SHCBP1L: variants seen among roughly 807,000 people sequenced by gnomAD.
SHCBP1L encodes testicular spindle-associated protein SHCBP1L.
SHCBP1L carries 67 observed loss-of-function variants against 62.5 expected under a neutral mutation model. The ratio of observed to expected loss-of-function variants is 1.07; its 90% CI spans 0.88 to 1.31. The LOEUF is 1.31. Ranked by LOEUF, SHCBP1L falls within the 40% of genes most tolerant of loss-of-function variation. SHCBP1L has a pLI of 0.00. For missense variants in SHCBP1L, 823 were observed against 809.8 expected (o/e 1.02, Z -0.20); for synonymous variants, 284 against 289.4 (o/e 0.98, Z 0.19).
chr1:182,920,074 C>G (rs746398451), intron 6 of SHCBP1L, among the ~76,000 whole-genome samples: 1 of 152,238 alleles, frequency 6.6e-6, no homozygotes, highest in Non-Finnish European at 1.5e-5. Context: ...CTGATACATG[C>G]ACACCCTGCT....
At chr1:182,952,062 CAGG>C (rs1651761598) in intron 1 of SHCBP1L, 1 of 149,776 alleles carries the variant, frequency 6.7e-6, no homozygotes, top group South Asian at 1.6e-4. Context: ...GAGGCTGAGG[CAGG>C]AGAATTGCTT....
rs1233467225 is a variant in SHCBP1L, at chr1:182,939,456, A to G, written c.857+11T>C. 5.6e-6 allele frequency: 9 copies of G among 1,601,958 alleles called. No homozygotes were observed. The highest frequency in any genetic ancestry group is 7.7e-6 in the Non-Finnish European group (9 of 1,174,216). Reference sequence around the variant, plus strand: ...TCTAATGTGCGGTATAAGTTTATAAACTATACTTACAAATTAATTCTTTCT... The same window carrying G: ...TCTAATGTGCGGTATAAGTTTATAAGCTATACTTACAAATTAATTCTTTCT... On this transcript the variant is annotated intron_variant, in intron 4 of 9. Coordinates refer to ENST00000367547, the MANE Select transcript of SHCBP1L (RefSeq NM_030933.4).
chr1:182,948,859 G>T (rs1193298491), intron 2 of SHCBP1L, among the ~76,000 whole-genome samples: 1 of 152,140 alleles, frequency 6.6e-6, no homozygotes, highest in African/African-American at 2.4e-5. Context: ...AATATGAATT[G>T]TGCAGCACTA....
chr1:182,947,438 T>A (rs563673054), intron 2 of SHCBP1L, among the ~76,000 whole-genome samples: 8 of 152,288 alleles, frequency 5.3e-5, no homozygotes, highest in African/African-American at 1.9e-4. Flanking sequence ...ACAGAAGTTA[T>A]AAAAAAGTTT....
chr1:182,928,081 C>A (rs1003605614), intron 6 of SHCBP1L, among the ~76,000 whole-genome samples: 1 of 151,488 alleles, frequency 6.6e-6, no homozygotes, highest in African/African-American at 2.4e-5. Flanking sequence ...ATAATATGCT[C>A]CAATAAGTAA....
intron 5 of SHCBP1L, among the ~76,000 whole-genome samples, 190 bp from the exon 6 acceptor site, chr1:182,929,942 A>C (rs1306738363): frequency 6.6e-6 from 1 of 152,184 alleles, no homozygotes; most frequent in Non-Finnish European, 1.5e-5. Context: ...GCATGTTTAA[A>C]TCCTTAAACT....
At chr1:182,908,488 T>G (rs1650085120) in intron 6 of SHCBP1L, among the ~76,000 whole-genome samples, 1 of 152,206 alleles carries the variant, frequency 6.6e-6, no homozygotes, top group African/African-American at 2.4e-5. Flanking sequence ...ATGGTGTACA[T>G]GTACCACATT....
At chr1:182,928,277 C>A (rs1650850334) in intron 6 of SHCBP1L, among the ~76,000 whole-genome samples, 1 of 152,032 alleles carries the variant, frequency 6.6e-6, no homozygotes, top group Admixed American at 6.5e-5. Flanking sequence ...ATTCATTCAC[C>A]AAAAATTGCT....
At chr1:182,924,772 G>GAAAGA (rs1553245935) in intron 6 of SHCBP1L, among the ~76,000 whole-genome samples, 15 of 92,914 alleles carry the variant, frequency 1.6e-4, no homozygotes, top group South Asian at 4.3e-4. Flanking sequence ...AAGAAAGAAA[G>GAAAGA]AAAGAAAGAA....
At chr1:182,930,542 A>AGTGT (rs199725936) in intron 5 of SHCBP1L, among the ~76,000 whole-genome samples, 11 of 68,036 alleles carry the variant, frequency 1.6e-4, no homozygotes, top group Middle Eastern at 8.2e-3. Context: ...ATGTGGCTTT[A>AGTGT]GTGTGTGTGT....
intron 9 of SHCBP1L, 98 bp from the exon 10 acceptor site, chr1:182,900,332 A>G: frequency 1.9e-6 from 2 of 1,073,346 alleles, no homozygotes; most frequent in South Asian, 4.3e-5. Flanking sequence ...TTCTTGGATT[A>G]ACAGATTTTT....
chr1:182,904,570 TGTGTGTGC>T, intron 7 of SHCBP1L, 140 bp from the exon 8 acceptor site: 2 of 882,052 alleles, frequency 2.3e-6, no homozygotes, highest in Non-Finnish European at 1.7e-6. Flanking sequence ...TGTGTGTGTG[TGTGTGTGC>T]GCATGCGCAT....
intron 2 of SHCBP1L, among the ~76,000 whole-genome samples, chr1:182,943,341 T>C (rs1485766899): frequency 6.7e-6 from 1 of 150,308 alleles, no homozygotes; most frequent in African/African-American, 2.4e-5. Context: ...AGGCTGGTCT[T>C]GAACTCCTGG....
At chr1:182,942,732 C>T (rs955693469) in intron 2 of SHCBP1L, among the ~76,000 whole-genome samples, 1 of 152,194 alleles carries the variant, frequency 6.6e-6, no homozygotes, top group African/African-American at 2.4e-5. Context: ...TTAACACAAA[C>T]ACTTCCAAAA....
At chr1:182,952,574 A>G (rs1398967214) in intron 1 of SHCBP1L, 155 bp downstream of exon 1, 1 of 848,252 alleles carries the variant, frequency 1.2e-6, no homozygotes. Context: ...AACAAGGTGA[A>G]CGCTCTATAC....
intron 5 of SHCBP1L, among the ~76,000 whole-genome samples, chr1:182,931,699 G>A (rs957358914): frequency 1.3e-5 from 2 of 152,024 alleles, no homozygotes; most frequent in African/African-American, 4.8e-5. Context: ...CACACAACCT[G>A]CCCCACTATC....
intron 6 of SHCBP1L, among the ~76,000 whole-genome samples, chr1:182,917,083 T>C (rs973886244): frequency 6.6e-6 from 1 of 152,146 alleles, no homozygotes; most frequent in Non-Finnish European, 1.5e-5. Flanking sequence ...CTTTCCCAAA[T>C]TCCTCCAAAA....
intron 5 of SHCBP1L, among the ~76,000 whole-genome samples, chr1:182,932,183 T>C (rs1651027549): frequency 6.6e-6 from 1 of 151,846 alleles, no homozygotes; most frequent in African/African-American, 2.4e-5. Flanking sequence ...TCCCACAATT[T>C]ATACATTCAC....
intron 9 of SHCBP1L, among the ~76,000 whole-genome samples, chr1:182,902,302 C>T (rs1303249067): frequency 4.6e-5 from 7 of 152,046 alleles, no homozygotes; most frequent in Non-Finnish European, 1.0e-4. Context: ...CTGCTCACCT[C>T]GGCCTCCCAA....
Sources: allele counts gnomAD v4.1 joint callset (sites outside exome capture counted in the v4.1 genomes callset), GRCh38; gene constraint gnomAD v4.1.1; transcripts MANE v1.5; gene names NCBI Gene and HGNC (gene_info 2026-07-23, HGNC 2026-07-21).